Variants in ANKRD30B observed in about 807,000 individuals in gnomAD.
ANKRD30B encodes the protein ankyrin repeat domain-containing protein 30B.
Under a neutral mutation model 202.2 loss-of-function variants are expected in ANKRD30B, and 144 were observed. The observed-to-expected ratio is 0.71, with a 90% CI of 0.62 to 0.82. The LOEUF is 0.82. Ranked by LOEUF, ANKRD30B falls within the 40% of genes least tolerant of loss-of-function variation. The pLI is 0.00. For missense variants in ANKRD30B, 1,487 were observed against 1,669.1 expected, an observed-to-expected ratio of 0.89 and a Z score of 1.90; for synonymous variants, 508 against 561.3, an observed-to-expected ratio of 0.91 and a Z score of 1.34.
At chr18:14,853,052 C>T (rs189869146) in intron 42 of ANKRD30B, among the ~76,000 whole-genome samples, 292 of 151,884 alleles carry the variant, frequency 1.9e-3, no homozygotes, top group African/African-American at 6.8e-3. Flanking sequence ...TAAATAATAC[C>T]TTAGGACAAA....
At chr18:14,936,839 G>A in the ANKRD30B span, among the ~76,000 whole-genome samples, 1 of 152,220 alleles carries the variant, frequency 6.6e-6, no homozygotes, top group African/African-American at 2.4e-5. Context: ...AGCAAGACGG[G>A]GCCAGGCTGG....
At chr18:14,862,444 A>G in the ANKRD30B span, among the ~76,000 whole-genome samples, 2 of 152,250 alleles carry the variant, frequency 1.3e-5, no homozygotes, top group African/African-American at 4.8e-5. Context: ...AGACATTGCA[A>G]AGGATACCAC....
chr18:14,873,825 G>C, the ANKRD30B span, among the ~76,000 whole-genome samples: 1 of 152,154 alleles, frequency 6.6e-6, no homozygotes, highest in Non-Finnish European at 1.5e-5. Context: ...AGAGGAGTTA[G>C]CAAGTAGCAG....
Position 14,772,139 on chromosome 18 carries a change from A to T in ANKRD30B, c.1257-17A>T, listed in dbSNP as rs1234060340. ...ATATGAATTTGCTCATTTATGTTGT[A>T]TCATTTTTCTTTAAAGTCTTTTTGG... On this transcript the variant is annotated splice_polypyrimidine_tract_variant and intron_variant, in intron 8 of 43. Transcript: ENST00000690538. 6.9e-7 allele frequency: 1 copy of T among 1,457,354 alleles called. No homozygotes were observed. Among genetic ancestry groups the T allele is most frequent in the East Asian group, 2.6e-5 (1 of 39,138 alleles). The allele number at this position is 1,457,354 out of a possible 1,614,324, so 90.3% of individuals were successfully genotyped here. A position where few individuals can be genotyped will look rare whatever the true frequency, so the allele number is the denominator to read the frequency against.
At chr18:14,873,560 TTTAGAA>T in the ANKRD30B span, among the ~76,000 whole-genome samples, 1 of 151,360 alleles carries the variant, frequency 6.6e-6, no homozygotes, top group Non-Finnish European at 1.5e-5. Flanking sequence ...GAATTTGGGC[TTTAGAA>T]TAAGATTGGA....
At chr18:14,871,363 G>A in the ANKRD30B span, among the ~76,000 whole-genome samples, 1 of 151,014 alleles carries the variant, frequency 6.6e-6, no homozygotes, top group Non-Finnish European at 1.5e-5. Context: ...GACAGGATGG[G>A]CACAGGACTG....
Position 14,781,288 on chromosome 18 carries a change from C to CTTTTT in ANKRD30B, c.1483-1219_1483-1215dup, listed in dbSNP as rs892666549. Among the ~76,000 whole-genome samples the CTTTTT allele has an allele frequency of 2.6e-3, 222 of 85,666 alleles. 11 individuals carry two copies. The highest frequency in any genetic ancestry group is 3.0e-3 in the East Asian group (8 of 2,660). The allele number at this position is 85,666 out of a possible 152,430, so 56.2% of individuals were successfully genotyped here. A position where few individuals can be genotyped will look rare whatever the true frequency, so the allele number is the denominator to read the frequency against. On this transcript the variant is annotated intron_variant, in intron 11 of 43. Transcript: ENST00000690538. ...CCGCTTCTACAATGTTCTGAGTATT[C>CTTTTT]TTTTTTTTTTTTTTTTTTTTTTTTG...
chr18:14,834,696 TA>T (rs1013384102), intron 34 of ANKRD30B, among the ~76,000 whole-genome samples: 1 of 151,908 alleles, frequency 6.6e-6, no homozygotes, highest in Non-Finnish European at 1.5e-5. Context: ...GTTTCTAGCA[TA>T]AAGGAAAGAT....
chr18:14,879,619 C>G, the ANKRD30B span, among the ~76,000 whole-genome samples: 2 of 151,188 alleles, frequency 1.3e-5, no homozygotes, highest in African/African-American at 4.9e-5. Flanking sequence ...GAGTTAGGGT[C>G]AGAGTTAAGG....
the ANKRD30B span, among the ~76,000 whole-genome samples, chr18:14,933,494 G>T: frequency 6.6e-6 from 1 of 152,112 alleles, no homozygotes. Context: ...GGACTGCAGG[G>T]AGCAAGGGCC....
intron 7 of ANKRD30B, among the ~76,000 whole-genome samples, chr18:14,768,861 C>T (rs1457456223): frequency 2.0e-5 from 3 of 152,148 alleles, no homozygotes; most frequent in African/African-American, 7.2e-5. Flanking sequence ...TTACAGGATT[C>T]TGTTTGGATT....
At chr18:14,849,802 C>T (rs1303091148) in intron 40 of ANKRD30B, among the ~76,000 whole-genome samples, 1 of 151,458 alleles carries the variant, frequency 6.6e-6, no homozygotes, top group Non-Finnish European at 1.5e-5. Context: ...ATATTTATGT[C>T]TAATAAATCT....
Position 14,762,808 on chromosome 18 carries a change from T to C in ANKRD30B, c.821-878T>C, listed in dbSNP as rs143687840. 1.5e-3 allele frequency among the ~76,000 whole-genome samples: 233 copies of C among 152,026 alleles called. No homozygotes were observed. In the East Asian group the frequency reaches 0.018, roughly 12 times the overall value. ...GAACTGTATGAGCACATCTTTATTA[T>C]ATATTTATCAAAGGACCTCTATAAG... On this transcript the variant is annotated intron_variant, in intron 6 of 43. Transcript: ENST00000690538.
chr18:14,811,610 C>G (rs2144066949), intron 28 of ANKRD30B, among the ~76,000 whole-genome samples: 1 of 123,942 alleles, frequency 8.1e-6, no homozygotes, highest in East Asian at 2.2e-4. Context: ...CATTTTCCAA[C>G]ATGTGTACGT....
At chr18:14,795,727 C>G (rs1168813650) in intron 16 of ANKRD30B, among the ~76,000 whole-genome samples, 5 of 152,160 alleles carry the variant, frequency 3.3e-5, no homozygotes, top group African/African-American at 1.2e-4. Context: ...CTCATCGCAG[C>G]TTTGCAATTC....
intron 4 of ANKRD30B, among the ~76,000 whole-genome samples, chr18:14,756,536 A>T (rs1914397201): frequency 6.6e-6 from 1 of 152,184 alleles, no homozygotes; most frequent in Non-Finnish European, 1.5e-5. Context: ...TTATGGTTTT[A>T]GGTCTAACAT....
chr18:14,855,769 C>T (rs1598728997), downstream of ANKRD30B, among the ~76,000 whole-genome samples: 1 of 148,618 alleles, frequency 6.7e-6, no homozygotes, highest in African/African-American at 2.5e-5. Flanking sequence ...GGGCTCCTCA[C>T]CTCCCAGACA....
intron 42 of ANKRD30B, chr18:14,852,636 G>A: frequency 2.1e-6 from 1 of 479,792 alleles, no homozygotes; most frequent in Non-Finnish European, 3.2e-6. Context: ...GAAATTATAA[G>A]AGTTTAAGTT....
At chr18:14,786,625 A>C (rs1968099483) in intron 14 of ANKRD30B, among the ~76,000 whole-genome samples, 1 of 152,186 alleles carries the variant, frequency 6.6e-6, no homozygotes, top group Admixed American at 6.5e-5. Flanking sequence ...TTTTTTGAAG[A>C]GCTGTGTAAT....
Sources: gnomAD v4.1 joint callset for allele counts (sites outside exome capture counted in the v4.1 genomes callset) on GRCh38, gnomAD v4.1.1 for gene constraint, MANE v1.5 for transcripts, NCBI Gene and HGNC (gene_info 2026-07-23, HGNC 2026-07-21) for gene names.